GNG7: variants seen among roughly 807,000 people sequenced by gnomAD.
GNG7 encodes the protein G protein subunit gamma 7.
A neutral mutation model predicts 4.0 loss-of-function variants in GNG7; 1 was observed. That is an observed-to-expected ratio of 0.25 (90% CI 0.09 to 1.18). The LOEUF (loss-of-function observed/expected upper bound fraction) is 1.18, where lower values mean the gene tolerates loss of function less well. Ranked by LOEUF, GNG7 falls within the 50% of genes most tolerant of loss-of-function variation. The pLI is 0.50. For synonymous variants in GNG7, 34 were observed against 36.9 expected (o/e 0.92, Z 0.29); for missense variants, 86 against 91.9 (o/e 0.94, Z 0.26).
intron 1 of GNG7, among the ~76,000 whole-genome samples, chr19:2,673,704 A>AAAG (rs1555702793): frequency 6.6e-5 from 10 of 151,506 alleles, no homozygotes; most frequent in East Asian, 1.9e-4. Flanking sequence ...AAAAAAAAAA[A>AAAG]AAAGAAAGAA....
intron 3 of GNG7, among the ~76,000 whole-genome samples, chr19:2,525,862 T>G (rs1432257620): frequency 6.6e-6 from 1 of 151,758 alleles, no homozygotes. Context: ...CAGGCTGAAG[T>G]GCGGTGGCGC....
At chr19:2,608,249 G>A (rs1194350083) in intron 2 of GNG7, among the ~76,000 whole-genome samples, 2 of 151,780 alleles carry the variant, frequency 1.3e-5, no homozygotes, top group Non-Finnish European at 2.9e-5. Context: ...CTGAGGAGCA[G>A]AAAGACCGAA....
chr19:2,687,534 T>C (rs1015277175), intron 1 of GNG7, among the ~76,000 whole-genome samples: 2 of 152,006 alleles, frequency 1.3e-5, no homozygotes, highest in Non-Finnish European at 2.9e-5. Context: ...GAGAATCGCT[T>C]GAGCCCGGGA....
rs1199006186 is a variant in GNG7, at chr19:2,609,026, CTCTCTCTT to C, written c.-78+37190_-78+37197del. On this transcript the variant is annotated intron_variant, in intron 2 of 4. Transcript: ENST00000382159. This position sits in a 1 kb window ranked among gnomAD's most constrained non-coding sequence, Gnocchi z 4.4. ...TCTTGTACATTCTCTCTCTCTCTCT[CTCTCTCTT>C]TTTTTGTTTTGAGACAGGGTCTCAC... Among the ~76,000 whole-genome samples the C allele has an allele frequency of 7.2e-3, 1,100 of 152,092 alleles. 18 individuals are homozygous for C. Among genetic ancestry groups the C allele is most frequent in the African/African-American group, 0.025 (1,046 of 41,430 alleles).
intron 2 of GNG7, chr19:2,610,180 A>C (rs1349308725): frequency 6.6e-6 from 1 of 151,302 alleles, no homozygotes; most frequent in Admixed American, 6.6e-5. Flanking sequence ...TTTTTTTTGG[A>C]GACAGGGTCT....
intron 2 of GNG7, among the ~76,000 whole-genome samples, chr19:2,637,572 G>A (rs143479132): frequency 6.6e-6 from 1 of 152,260 alleles, no homozygotes; most frequent in African/African-American, 2.4e-5. Context: ...AAAAGATCAG[G>A]AAAAGCCCGC....
At chr19:2,640,202 A>G (rs1982469076) in intron 2 of GNG7, among the ~76,000 whole-genome samples, 1 of 139,906 alleles carries the variant, frequency 7.1e-6, no homozygotes, top group Admixed American at 7.2e-5. Flanking sequence ...GAAGGGGGAG[A>G]GGGAGGAAGG....
rs534720354 is a variant in GNG7 at position 2,587,104 on chromosome 19, C to T, written c.-77-31916G>A. ...GCTAATTTTTGGCCCCAGACGTCACCCGATGTCCCCCAGGGGCTAGGATCA... is the reference window on the plus strand; with the variant it reads ...GCTAATTTTTGGCCCCAGACGTCACTCGATGTCCCCCAGGGGCTAGGATCA... On this transcript the variant is annotated intron_variant, in intron 2 of 4. Transcript: ENST00000382159. 3.3e-5 allele frequency among the ~76,000 whole-genome samples: 5 copies of T among 152,126 alleles called. No individual in the cohort carries two copies. The South Asian group carries it at 1.0e-3, about 32-fold the overall frequency.
At chr19:2,566,676 C>A (rs977708263) in intron 2 of GNG7, among the ~76,000 whole-genome samples, 2 of 152,164 alleles carry the variant, frequency 1.3e-5, no homozygotes, top group African/African-American at 4.8e-5. Context: ...GGCCAGAGAG[C>A]AAACTTCTCT....
In GNG7 at chr19:2,617,951, C is replaced by T. The variant is rs1981765876; in HGVS notation, c.-78+28273G>A. On this transcript the variant is annotated intron_variant, in intron 2 of 4. Coordinates refer to ENST00000382159, the MANE Select transcript of GNG7 (RefSeq NM_052847.3). The surrounding 1 kb of genome is among the most constrained non-coding windows in gnomAD (Gnocchi z 4.7). ...CCCAGGCTGGTCTCAAACTCCTGGCCTCAAGTGATCCTCCCACCTCGGCCT... is the reference window on the plus strand; with the variant it reads ...CCCAGGCTGGTCTCAAACTCCTGGCTTCAAGTGATCCTCCCACCTCGGCCT... 6.6e-6 allele frequency among the ~76,000 whole-genome samples: 1 copy of T among 152,094 alleles called. No homozygotes were observed. The highest frequency in any genetic ancestry group is 1.5e-5 in the Non-Finnish European group (1 of 68,014).
At chr19:2,635,602 A>T (rs1159940314) in intron 2 of GNG7, among the ~76,000 whole-genome samples, 75 of 94,162 alleles carry the variant, frequency 8.0e-4, no homozygotes, top group African/African-American at 2.7e-3. Context: ...TTTTTTTTTG[A>T]GACGGAGTCT....
intron 3 of GNG7, among the ~76,000 whole-genome samples, chr19:2,531,889 CGCCTG>C (rs1978603055): frequency 6.6e-6 from 1 of 151,934 alleles, no homozygotes; most frequent in Admixed American, 6.6e-5. Context: ...CGGTGGCTCA[CGCCTG>C]TAATCCCAGC....
intron 1 of GNG7, among the ~76,000 whole-genome samples, chr19:2,700,485 G>C (rs897283656): frequency 2.6e-5 from 4 of 152,060 alleles, no homozygotes; most frequent in African/African-American, 9.7e-5. Flanking sequence ...ACCCTGATGT[G>C]TGCTCCTAAG....
chr19:2,682,607 G>A (rs1983766774), intron 1 of GNG7, among the ~76,000 whole-genome samples: 1 of 132,872 alleles, frequency 7.5e-6, no homozygotes. Context: ...AGGTTGCAGA[G>A]ATCACACCAC....
intron 1 of GNG7, among the ~76,000 whole-genome samples, chr19:2,651,486 ACTCT>A (rs925753755): frequency 1.9e-5 from 2 of 106,664 alleles, no homozygotes; most frequent in African/African-American, 7.5e-5. Flanking sequence ...TCTCTCTCTT[ACTCT>A]CTTTCTGTCT....
At chr19:2,662,761 C>T (rs546898531) in intron 1 of GNG7, among the ~76,000 whole-genome samples, 1 of 152,226 alleles carries the variant, frequency 6.6e-6, no homozygotes, top group South Asian at 2.1e-4. Flanking sequence ...GATCGCGTCA[C>T]TGGCCACTGG....
Position 2,515,046 on chromosome 19 carries a change from G to T in GNG7, c.183C>A (p.Asp61Glu), listed in dbSNP as rs1451057662. Residue 61 changes from aspartate to glutamate, a missense_variant, in exon 5 of 5, where the codon GAC becomes GAA. Coordinates refer to ENST00000382159, the MANE Select transcript of GNG7 (RefSeq NM_052847.3). Reference protein sequence around the residue: ...GVPASENPFKDKKPCIIL With the variant: ...GVPASENPFKEKKPCIIL ...GTTATAAAATAATACAAGGTTTCTT[G>T]TCCTTAAAGGGGTTCTCCGAGGCAG... 6.2e-7 allele frequency: 1 copy of T among 1,613,782 alleles called. No individual in the cohort carries two copies. The highest frequency in any genetic ancestry group is 1.1e-5 in the South Asian group (1 of 91,066).
intron 2 of GNG7, among the ~76,000 whole-genome samples, chr19:2,585,881 T>C (rs904588378): frequency 2.0e-5 from 3 of 152,140 alleles, no homozygotes; most frequent in Non-Finnish European, 2.9e-5. Context: ...TTTGTATTTT[T>C]AGTAGAGACG....
At chr19:2,684,135 A>ATTTTTT (rs547594113) in intron 1 of GNG7, among the ~76,000 whole-genome samples, 1 of 125,328 alleles carries the variant, frequency 8.0e-6, no homozygotes, top group African/African-American at 3.1e-5. Flanking sequence ...CAGCCTGGCC[A>ATTTTTT]TTTTTTTTTT....
Sources: gnomAD v4.1 joint callset for allele counts (sites outside exome capture counted in the v4.1 genomes callset) on GRCh38, gnomAD v4.1.1 for gene constraint, Gnocchi (gnomAD v3.1) non-coding constraint, MANE v1.5 for transcripts, NCBI Gene and HGNC (gene_info 2026-07-23, HGNC 2026-07-21) for gene names.